Variants in MIER1 observed in about 807,000 individuals in gnomAD.
MIER1 encodes MIER1 transcriptional regulator, also known as mesoderm induction early response protein 1.
Under a neutral mutation model 75.7 loss-of-function variants are expected in MIER1, and 40 were observed. That is an observed-to-expected ratio of 0.53 (90% confidence interval 0.41 to 0.69). MIER1 has a LOEUF of 0.69. Among genes scored for constraint, MIER1 ranks in the 30% least tolerant of loss-of-function variants. MIER1 has a pLI of 0.00. For missense variants in MIER1, 574 were observed against 680.2 expected, an observed-to-expected ratio of 0.84 and a Z score of 1.74; for synonymous variants, 213 against 223.4, an observed-to-expected ratio of 0.95 and a Z score of 0.42.
chr1:66,926,824 C>G (rs993595716), intron 2 of MIER1, among the ~76,000 whole-genome samples: 3 of 152,114 alleles, frequency 2.0e-5, no homozygotes, highest in Admixed American at 2.0e-4. Flanking sequence ...CTATTTCAGT[C>G]AGCTAACCCC....
intron 2 of MIER1, among the ~76,000 whole-genome samples, chr1:66,938,470 G>T (rs1655437816): frequency 6.6e-6 from 1 of 152,158 alleles, no homozygotes. Context: ...TGTGCCTACA[G>T]TTGGGAAGTA....
At chr1:66,947,694 T>C (rs1294550425) in intron 4 of MIER1, 1 of 152,338 alleles carries the variant, frequency 6.6e-6, no homozygotes, top group Non-Finnish European at 1.5e-5. Flanking sequence ...AAAATGTAAA[T>C]CAATTAATAT....
rs1438832000 is a variant in MIER1 at position 66,925,079 on chromosome 1, C to T, written c.51C>T (p.Gly17=). The T allele has an allele frequency of 5.8e-6, 9 of 1,546,890 alleles. No homozygotes were observed. In the East Asian group the frequency reaches 2.0e-4, roughly 34 times the overall value. Residue 17 remains glycine, a synonymous_variant, in exon 1 of 14, where the codon GGC becomes GGT. Coordinates refer to ENST00000401041, the MANE Select transcript of MIER1 (RefSeq NM_001077700.3). ...GCGGCAGCAGCGAAGGTGGCGGCGG[C>T]AGCAGCGGCAGCGGCTGTAAGTGCA... is the stretch of plus-strand genomic sequence containing the variant. The part of the protein sequence containing the change: ...GGGGSSEGGG[G]SSGSGYGVVA...
intron 7 of MIER1, among the ~76,000 whole-genome samples, chr1:66,961,185 A>C (rs901828250): frequency 2.0e-5 from 3 of 152,180 alleles, no homozygotes; most frequent in African/African-American, 7.2e-5. Context: ...TTGTTGTTTT[A>C]AATAATTGTC....
intron 7 of MIER1, 90 bp downstream of exon 7, chr1:66,959,833 T>A: frequency 1.9e-6 from 1 of 526,314 alleles, no homozygotes; most frequent in Non-Finnish European, 3.2e-6. Context: ...ACTAACTATG[T>A]ATATTGATAA....
At position 66,987,020 on chromosome 1, in the gene MIER1, C is replaced by G. The variant is rs1666870261; in HGVS notation, c.*2120C>G. 2.0e-5 allele frequency: 3 copies of G among 152,288 alleles called. No homozygotes were observed. In the South Asian group the frequency reaches 6.2e-4, roughly 31 times the overall value. 9.4% of individuals were successfully genotyped at this position (152,288 alleles called of 1,614,324 possible). A position where few individuals can be genotyped will look rare whatever the true frequency, so the allele number is the denominator to read the frequency against. On this transcript the variant is annotated 3_prime_UTR_variant, in exon 14 of 14. Coordinates refer to ENST00000401041, the MANE Select transcript of MIER1 (RefSeq NM_001077700.3). ...TTTGTGAAGTTCTTGCAAACTCTTA[C>G]TACAGAAATGTTTTAAATACATTCT... is the stretch of plus-strand genomic sequence containing the variant.
In MIER1 at chr1:66,952,170, C is replaced by T. The variant is rs145768594; in HGVS notation, c.339+5875C>T. On this transcript the variant is annotated intron_variant, in intron 4 of 13. Transcript: ENST00000401041. ...ATAATTTTTTCTTTCACTCTGTTCT[C>T]GCCTTTTTATACTCTTTTAACACTT... 1.9e-4 allele frequency among the ~76,000 whole-genome samples: 29 copies of T among 152,266 alleles called. No individual in the cohort carries two copies. The East Asian group carries it at 5.0e-3, about 26-fold the overall frequency.
chr1:66,973,124 GAGTAATTAT>G lies in MIER1; in HGVS notation c.1101+139_1101+147del. The stretch of plus-strand genomic sequence containing the variant: ...ATATGACAATATTTTGGTATTTAGT[GAGTAATTAT>G]AGTAAGGCTGCCTATACTTCCTAAC... On this transcript the variant is annotated intron_variant, in intron 11 of 13. Coordinates refer to ENST00000401041, the MANE Select transcript of MIER1 (RefSeq NM_001077700.3). The G allele has an allele frequency of 5.1e-6, 3 of 586,080 alleles. No homozygotes were observed. In the East Asian group the frequency reaches 8.8e-5, roughly 17 times the overall value. 36.3% of individuals were successfully genotyped at this position (586,080 alleles called of 1,614,324 possible).
At chr1:66,966,694 C>T (rs1662480561) in intron 8 of MIER1, among the ~76,000 whole-genome samples, 1 of 152,142 alleles carries the variant, frequency 6.6e-6, no homozygotes, top group South Asian at 2.1e-4. Context: ...CTCTCCAGCA[C>T]CTGTTGTTTC....
intron 11 of MIER1, among the ~76,000 whole-genome samples, chr1:66,974,677 G>A (rs989809108): frequency 6.6e-6 from 1 of 152,086 alleles, no homozygotes; most frequent in Non-Finnish European, 1.5e-5. Flanking sequence ...ATTTGGGACA[G>A]TGGCATTTAA....
intron 4 of MIER1, among the ~76,000 whole-genome samples, chr1:66,957,845 A>G (rs1660480998): frequency 6.6e-6 from 1 of 152,160 alleles, no homozygotes. Flanking sequence ...TGTTGTCAGC[A>G]ATTATAACTG....
chr1:66,950,698 G>A (rs190420197), intron 4 of MIER1, among the ~76,000 whole-genome samples: 929 of 58,628 alleles, frequency 0.016, 7 homozygotes, highest in Non-Finnish European at 0.017. Context: ...GTATTTTGAC[G>A]TATACACACA....
intron 7 of MIER1, among the ~76,000 whole-genome samples, chr1:66,960,843 T>A (rs1661113454): frequency 6.6e-6 from 1 of 152,312 alleles, no homozygotes; most frequent in Middle Eastern, 3.4e-3. Flanking sequence ...TTAATCTGAT[T>A]CCTACAGTGT....
At chr1:66,926,909 T>G (rs1315227048) in intron 2 of MIER1, among the ~76,000 whole-genome samples, 2 of 152,112 alleles carry the variant, frequency 1.3e-5, no homozygotes, top group Non-Finnish European at 2.9e-5. Flanking sequence ...GCATAACAGA[T>G]AGGTTTATAT....
At chr1:66,971,900 G>T (rs1663683879) in intron 10 of MIER1, among the ~76,000 whole-genome samples, 164 bp downstream of exon 10, 1 of 151,924 alleles carries the variant, frequency 6.6e-6, no homozygotes, top group South Asian at 2.1e-4. Context: ...CGGGGAGTGG[G>T]ATTAAGATTG....
intron 8 of MIER1, 22 bp downstream of exon 8, chr1:66,963,182 G>A (rs777098858): frequency 6.2e-6 from 9 of 1,451,222 alleles, no homozygotes; most frequent in Middle Eastern, 1.7e-4. Flanking sequence ...GTAAAGTTAC[G>A]TAGCTGAATT....
At chr1:66,946,767 T>A in intron 4 of MIER1, 1 of 985,550 alleles carries the variant, frequency 1.0e-6, no homozygotes, top group Non-Finnish European at 1.2e-6. Flanking sequence ...CAGTGAACTT[T>A]CCTTGTTACA....
intron 4 of MIER1, among the ~76,000 whole-genome samples, chr1:66,956,385 G>C (rs929089036): frequency 3.3e-5 from 5 of 152,204 alleles, no homozygotes; most frequent in Non-Finnish European, 7.3e-5. Context: ...CTGCACTCCA[G>C]CCTGGGTGAC....
chr1:66,962,086 C>T (rs79260557), intron 7 of MIER1, among the ~76,000 whole-genome samples: 4,189 of 152,188 alleles, frequency 0.028, 57 homozygotes, highest in African/African-American at 0.037. Flanking sequence ...TAAATGTGTT[C>T]TTAACATTTA....
Sources: gnomAD v4.1 joint callset for allele counts (sites outside exome capture counted in the v4.1 genomes callset) on GRCh38, gnomAD v4.1.1 for gene constraint, MANE v1.5 for transcripts, NCBI Gene and HGNC (gene_info 2026-07-23, HGNC 2026-07-21) for gene names.